Variants in ATG10 observed in about 807,000 individuals in gnomAD.
ATG10 encodes autophagy related 10.
A neutral mutation model predicts 32.1 loss-of-function variants in ATG10; 30 were observed. The observed-to-expected ratio is 0.94, with a 90% confidence interval of 0.70 to 1.27. The LOEUF is 1.27. Ranked by LOEUF, ATG10 falls within the 50% of genes most tolerant of loss-of-function variation. The pLI is 0.00. For synonymous variants in ATG10, 87 were observed against 91.5 expected (o/e 0.95, Z 0.28); for missense variants, 233 against 262.3 (o/e 0.89, Z 0.77).
intron 3 of ATG10, among the ~76,000 whole-genome samples, chr5:82,114,608 T>C (rs921108707): frequency 6.6e-6 from 1 of 152,064 alleles, no homozygotes; most frequent in Non-Finnish European, 1.5e-5. Context: ...TTTGGAAGGA[T>C]AGCCCACCTG....
intron 5 of ATG10, among the ~76,000 whole-genome samples, chr5:82,216,373 T>G (rs1053900496): frequency 6.6e-6 from 1 of 152,224 alleles, no homozygotes; most frequent in Non-Finnish European, 1.5e-5. Flanking sequence ...TTCAAGTAAC[T>G]TTCCTTTTTC....
intron 3 of ATG10, among the ~76,000 whole-genome samples, chr5:82,089,377 G>C (rs1355449586): frequency 1.3e-5 from 2 of 152,036 alleles, no homozygotes; most frequent in Non-Finnish European, 2.9e-5. Context: ...TTAGTGGAGG[G>C]ATAGACACAT....
chr5:82,065,996 T>G (rs1392015617), intron 3 of ATG10, among the ~76,000 whole-genome samples: 4 of 152,114 alleles, frequency 2.6e-5, no homozygotes, highest in Non-Finnish European at 2.9e-5. Flanking sequence ...AAAAAAATCG[T>G]GTCCAGCACT....
At chr5:82,214,188 A>C (rs1247733151) in intron 5 of ATG10, among the ~76,000 whole-genome samples, 1 of 152,216 alleles carries the variant, frequency 6.6e-6, no homozygotes, top group Non-Finnish European at 1.5e-5. Flanking sequence ...AATACTTAGA[A>C]TACATCATAA....
chr5:82,243,534 G>T (rs1399056754), intron 5 of ATG10, among the ~76,000 whole-genome samples: 1 of 152,026 alleles, frequency 6.6e-6, no homozygotes, highest in Non-Finnish European at 1.5e-5. Context: ...TTAATATCAG[G>T]TAAGAATCCT....
intron 3 of ATG10, among the ~76,000 whole-genome samples, chr5:82,124,085 T>C (rs188438193): frequency 1.3e-4 from 20 of 151,090 alleles, no homozygotes; most frequent in Admixed American, 2.6e-4. Flanking sequence ...TTTTTTTTTT[T>C]TTTTTGAGAT....
intron 3 of ATG10, among the ~76,000 whole-genome samples, chr5:82,138,111 T>G (rs563931004): frequency 6.6e-6 from 1 of 152,346 alleles, no homozygotes; most frequent in East Asian, 1.9e-4. Context: ...GACTTCAGAC[T>G]GCTGTGCTGG....
intron 1 of ATG10, among the ~76,000 whole-genome samples, chr5:81,979,280 C>T (rs1325429019): frequency 6.6e-6 from 1 of 152,140 alleles, no homozygotes; most frequent in African/African-American, 2.4e-5. Flanking sequence ...GTAATCCCAG[C>T]ACTTCCAGAG....
intron 2 of ATG10, among the ~76,000 whole-genome samples, chr5:82,032,166 G>A (rs1170634336): frequency 6.6e-6 from 1 of 152,258 alleles, no homozygotes; most frequent in Non-Finnish European, 1.5e-5. Flanking sequence ...CCCTGGAAAC[G>A]TGTAAGGAGA....
chr5:82,205,338 G>T (rs1745249729), intron 5 of ATG10, among the ~76,000 whole-genome samples: 1 of 152,118 alleles, frequency 6.6e-6, no homozygotes, highest in Non-Finnish European at 1.5e-5. Context: ...GGTGATTCTT[G>T]CAGAGGGACA....
intron 5 of ATG10, among the ~76,000 whole-genome samples, chr5:82,208,478 T>C (rs1040319142): frequency 6.6e-6 from 1 of 152,340 alleles, no homozygotes; most frequent in South Asian, 2.1e-4. Flanking sequence ...TCTTTTAATA[T>C]TGTTTTATAG....
chr5:81,974,236 T>A (rs977995645), intron 1 of ATG10, among the ~76,000 whole-genome samples: 1 of 152,210 alleles, frequency 6.6e-6, no homozygotes, highest in African/African-American at 2.4e-5. Context: ...GGAGATCATT[T>A]GGTGATTATC....
intron 3 of ATG10, among the ~76,000 whole-genome samples, chr5:82,065,173 G>A (rs1763902076): frequency 6.6e-6 from 1 of 152,124 alleles, no homozygotes; most frequent in Admixed American, 6.6e-5. Context: ...ACAGAAGTAT[G>A]TTGCATCAAT....
intron 1 of ATG10, among the ~76,000 whole-genome samples, chr5:81,983,522 C>G (rs1207577797): frequency 5.4e-5 from 8 of 148,686 alleles, no homozygotes; most frequent in African/African-American, 1.8e-4. Context: ...TGACCCCCCC[C>G]ACCTCCCTCC....
chr5:82,219,774 A>C (rs1374122845), intron 5 of ATG10, among the ~76,000 whole-genome samples: 1 of 152,224 alleles, frequency 6.6e-6, no homozygotes, highest in Non-Finnish European at 1.5e-5. Flanking sequence ...TTTGCTCTAC[A>C]TGCTTTAATT....
intron 3 of ATG10, among the ~76,000 whole-genome samples, chr5:82,102,627 G>A (rs931317948): frequency 2.6e-5 from 4 of 152,158 alleles, no homozygotes; most frequent in Non-Finnish European, 5.9e-5. Flanking sequence ...ACACTGTTGA[G>A]TTGGGCTCTT....
intron 2 of ATG10, among the ~76,000 whole-genome samples, chr5:82,054,554 C>T (rs950739348): frequency 7.2e-5 from 11 of 152,194 alleles, no homozygotes; most frequent in Non-Finnish European, 1.5e-4. Context: ...ACAAAGAATA[C>T]TCAGGTCAAG....
chr5:82,197,008 A>G (rs1383994601), intron 5 of ATG10, among the ~76,000 whole-genome samples: 4 of 152,304 alleles, frequency 2.6e-5, no homozygotes, highest in South Asian at 2.1e-4. Context: ...ACAAGATTCT[A>G]TCTTCCAATT....
chr5:82,202,709 T>C lies in ATG10; in HGVS notation c.453+24122T>C, dbSNP rs146798830. Reference sequence around the variant, plus strand: ...GCTGTTCCATGTAGTTCCGTGTGACTAGTACTACTCTTGAGCAAAACAGCA... The same window carrying C: ...GCTGTTCCATGTAGTTCCGTGTGACCAGTACTACTCTTGAGCAAAACAGCA... On this transcript the variant is annotated intron_variant, in intron 5 of 7. Coordinates refer to ENST00000282185, the MANE Select transcript of ATG10 (RefSeq NM_031482.5). Among the ~76,000 whole-genome samples, 575 of 152,270 alleles carry C rather than the reference T, an allele frequency of 3.8e-3. 1 individual carries two copies. Among genetic ancestry groups the C allele is most frequent in the Admixed American group, 7.6e-3 (116 of 15,292 alleles).
Sources: allele counts gnomAD v4.1 joint callset (sites outside exome capture counted in the v4.1 genomes callset), GRCh38; gene constraint gnomAD v4.1.1; transcripts MANE v1.5; gene names NCBI Gene and HGNC (gene_info 2026-07-23, HGNC 2026-07-21).